MKX: variants seen among roughly 807,000 people sequenced by gnomAD.
MKX encodes the protein homeobox protein Mohawk.
A neutral mutation model predicts 36.0 loss-of-function variants in MKX; 13 were observed. The observed-to-expected ratio is 0.36, with a 90% CI of 0.24 to 0.57. The LOEUF is 0.57. MKX is among the 20% of genes least tolerant of loss of function. MKX has a pLI of 0.79. For missense variants in MKX, 458 were observed against 456.4 expected (o/e 1.00, Z -0.03); for synonymous variants, 176 against 178.3 (o/e 0.99, Z 0.10).
chr10:27,732,408 A>G (rs562537833), intron 5 of MKX, among the ~76,000 whole-genome samples: 15 of 152,206 alleles, frequency 9.9e-5, no homozygotes, highest in African/African-American at 1.9e-4. Context: ...ATACACATTT[A>G]CATATAGTAT....
At chr10:27,707,496 CT>C (rs1275485143) in intron 5 of MKX, among the ~76,000 whole-genome samples, 1 of 152,102 alleles carries the variant, frequency 6.6e-6, no homozygotes, top group African/African-American at 2.4e-5. Flanking sequence ...GAAATCAGGT[CT>C]GTAATGCCCA....
In MKX at chr10:27,744,906, G is replaced by A. The variant is rs1835016964; in HGVS notation, c.-83+801C>T. The A allele has an allele frequency of 6.6e-6, 1 of 152,332 alleles. No individual in the cohort carries two copies. The highest frequency in any genetic ancestry group is 1.5e-5 in the Non-Finnish European group (1 of 68,166). 9.4% of individuals were successfully genotyped at this position (152,332 alleles called of 1,614,324 possible). On this transcript the variant is annotated intron_variant, in intron 1 of 6. Transcript: ENST00000419761. This position sits in a 1 kb window ranked among gnomAD's most constrained non-coding sequence, Gnocchi z 5.6. ...GGGAAGTGAAGTCAGACCTCTGCTG[G>A]ATGTCGTGTGTCCCCTAGGACTGCG...
chr10:27,709,752 C>T (rs1836820521), intron 5 of MKX, among the ~76,000 whole-genome samples: 1 of 152,160 alleles, frequency 6.6e-6, no homozygotes, highest in Admixed American at 6.5e-5. Flanking sequence ...AAGCCCTTTC[C>T]ATAAATTTCC....
rs969984411 is a variant in MKX at position 27,741,853 on chromosome 10, G to A, written c.189-349C>T. On this transcript the variant is annotated intron_variant, in intron 2 of 6. Coordinates refer to ENST00000419761, the MANE Select transcript of MKX (RefSeq NM_173576.3). This position sits in a 1 kb window ranked among gnomAD's most constrained non-coding sequence, Gnocchi z 5.1. ...TGCTACCCTTCCCTCACCCGCTGGC[G>A]CCGCACCCTCGAGTGGCCCTGGCCT... is the stretch of plus-strand genomic sequence containing the variant. Among the ~76,000 whole-genome samples the A allele has an allele frequency of 2.0e-5, 3 of 152,206 alleles. No homozygotes were observed. The highest frequency in any genetic ancestry group is 7.2e-5 in the African/African-American group (3 of 41,454).
At chr10:27,685,745 C>T (rs1000916235) in intron 5 of MKX, among the ~76,000 whole-genome samples, 95 of 152,300 alleles carry the variant, frequency 6.2e-4, no homozygotes, top group Non-Finnish European at 1.0e-3. Context: ...CCACCACACC[C>T]GGCCCAGTAG....
intron 4 of MKX, 116 bp downstream of exon 4, chr10:27,735,105 A>T: frequency 2.0e-6 from 2 of 985,262 alleles, no homozygotes; most frequent in Non-Finnish European, 2.8e-6. Flanking sequence ...TCATGCAATA[A>T]AAAAGAACCG....
rs765624213 is a variant in MKX, at chr10:27,734,440, G to A, written c.838+16C>T. The A allele has an allele frequency of 6.2e-7, 1 of 1,605,154 alleles. No individual in the cohort carries two copies. Among genetic ancestry groups the A allele is most frequent in the East Asian group, 2.2e-5 (1 of 44,844 alleles). On this transcript the variant is annotated intron_variant, in intron 5 of 6. Coordinates refer to ENST00000419761, the MANE Select transcript of MKX (RefSeq NM_173576.3). ...AACAGGTATCGCAGGAATTACTACA[G>A]AAAGCACGGACTTACCTGTGCGATA...
At chr10:27,725,271 A>G (rs1351778403) in intron 5 of MKX, among the ~76,000 whole-genome samples, 1 of 152,230 alleles carries the variant, frequency 6.6e-6, no homozygotes, top group Non-Finnish European at 1.5e-5. Context: ...CTTCTTTAGT[A>G]CAATGAAACA....
chr10:27,707,981 C>T (rs1836786231), intron 5 of MKX, among the ~76,000 whole-genome samples: 1 of 152,090 alleles, frequency 6.6e-6, no homozygotes, highest in African/African-American at 2.4e-5. Flanking sequence ...CAGGTTAAAC[C>T]AAAGCCAACT....
At chr10:27,700,935 A>T (rs1017664628) in intron 5 of MKX, among the ~76,000 whole-genome samples, 9 of 152,160 alleles carry the variant, frequency 5.9e-5, no homozygotes, top group Admixed American at 1.3e-4. Flanking sequence ...TTTTTAAAAA[A>T]TTTTAATTTT....
chr10:27,690,522 C>G (rs150291413), intron 5 of MKX, among the ~76,000 whole-genome samples: 2 of 152,180 alleles, frequency 1.3e-5, no homozygotes, highest in Non-Finnish European at 2.9e-5. Context: ...TCACTAAGTA[C>G]GTGACCTTGG....
At chr10:27,718,265 T>C (rs755879155) in intron 5 of MKX, among the ~76,000 whole-genome samples, 1 of 152,228 alleles carries the variant, frequency 6.6e-6, no homozygotes, top group Non-Finnish European at 1.5e-5. Flanking sequence ...AGCAAAACTA[T>C]TTTGACATTT....
At chr10:27,697,720 G>A (rs1836580884) in intron 5 of MKX, among the ~76,000 whole-genome samples, 1 of 152,208 alleles carries the variant, frequency 6.6e-6, no homozygotes, top group South Asian at 2.1e-4. Flanking sequence ...CACTGTGACA[G>A]GCCCTCAAAA....
At chr10:27,710,274 A>G (rs1836828518) in intron 5 of MKX, among the ~76,000 whole-genome samples, 1 of 152,206 alleles carries the variant, frequency 6.6e-6, no homozygotes, top group South Asian at 2.1e-4. Flanking sequence ...TCCTGCAATG[A>G]AAAAGTTGAA....
chr10:27,743,188 G>C (rs775972033), intron 2 of MKX, 40 bp downstream of exon 2: 10 of 1,419,064 alleles, frequency 7.0e-6, no homozygotes, highest in South Asian at 1.7e-5. Context: ...CCACCCCTCC[G>C]GGCCGCAGGC....
At chr10:27,725,735 T>C (rs1834473889) in intron 5 of MKX, among the ~76,000 whole-genome samples, 1 of 152,140 alleles carries the variant, frequency 6.6e-6, no homozygotes, top group African/African-American at 2.4e-5. Flanking sequence ...AATGTCTTGT[T>C]ATTTTCATAG....
chr10:27,743,529 T>C (rs1359599991), intron 1 of MKX, 32 bp from the exon 2 acceptor site: 19 of 1,136,864 alleles, frequency 1.7e-5, no homozygotes, highest in Admixed American at 3.7e-5. Context: ...CGTTACTTAC[T>C]GGCTGAGAGT....
rs145072252 is a variant in MKX at position 27,729,928 on chromosome 10, G to A, written c.838+4528C>T. 3.1e-3 allele frequency among the ~76,000 whole-genome samples: 470 copies of A among 152,028 alleles called. 4 individuals carry two copies. The highest frequency in any genetic ancestry group is 0.011 in the African/African-American group (450 of 41,460). On this transcript the variant is annotated intron_variant, in intron 5 of 6. Coordinates refer to ENST00000419761, the MANE Select transcript of MKX (RefSeq NM_173576.3). Reference sequence around the variant, plus strand: ...CAGGAATGGAGGTGGATATTACACCGGGGGTCCTTATCCTGGCACCACAGA... The same window carrying A: ...CAGGAATGGAGGTGGATATTACACCAGGGGTCCTTATCCTGGCACCACAGA...
chr10:27,676,562 G>C (rs1351255842), intron 5 of MKX, among the ~76,000 whole-genome samples: 1 of 151,910 alleles, frequency 6.6e-6, no homozygotes, highest in African/African-American at 2.4e-5. Context: ...ATTTTTAGTA[G>C]AGACAGGGTT....
Sources: gnomAD v4.1 joint callset for allele counts (sites outside exome capture counted in the v4.1 genomes callset) on GRCh38, gnomAD v4.1.1 for gene constraint, Gnocchi (gnomAD v3.1) non-coding constraint, MANE v1.5 for transcripts, NCBI Gene and HGNC (gene_info 2026-07-23, HGNC 2026-07-21) for gene names.